CCBE1: variants seen among roughly 807,000 people sequenced by gnomAD.
The protein encoded by CCBE1 is collagen and calcium-binding EGF domain-containing protein 1.
Under a neutral mutation model 50.0 loss-of-function variants are expected in CCBE1, and 37 were observed. The ratio of observed to expected loss-of-function variants is 0.74; its 90% CI spans 0.57 to 0.97. The LOEUF (loss-of-function observed/expected upper bound fraction) is 0.97, where lower values mean the gene tolerates loss of function less well. CCBE1 is among the 50% of genes least tolerant of loss of function. The pLI, the probability that CCBE1 is intolerant of heterozygous loss-of-function variation, is 0.00. For missense variants in CCBE1, 538 were observed against 523.8 expected (o/e 1.03, Z -0.26); for synonymous variants, 234 against 203.7 (o/e 1.15, Z -1.27).
chr18:59,511,744 T>A (rs1914141524), intron 2 of CCBE1, among the ~76,000 whole-genome samples: 1 of 152,216 alleles, frequency 6.6e-6, no homozygotes, highest in African/African-American at 2.4e-5. Context: ...AACCAACCTC[T>A]CTTCATAAGA....
At chr18:59,646,976 G>T (rs1251300627) in intron 2 of CCBE1, among the ~76,000 whole-genome samples, 1 of 152,190 alleles carries the variant, frequency 6.6e-6, no homozygotes, top group Non-Finnish European at 1.5e-5. Flanking sequence ...GTAAAACCAT[G>T]CAACAGGCTC....
chr18:59,486,963 C>A (rs973433287), intron 2 of CCBE1, among the ~76,000 whole-genome samples: 5 of 151,524 alleles, frequency 3.3e-5, no homozygotes, highest in Non-Finnish European at 7.4e-5. Context: ...CCAAGAAACT[C>A]CAGACTCTGG....
chr18:59,503,770 G>T (rs1913737030), intron 2 of CCBE1, among the ~76,000 whole-genome samples: 1 of 152,088 alleles, frequency 6.6e-6, no homozygotes, highest in Non-Finnish European at 1.5e-5. Flanking sequence ...CTTTTGCAAA[G>T]TACAACAGGC....
chr18:59,578,497 C>T (rs1054827338), intron 2 of CCBE1, among the ~76,000 whole-genome samples: 3 of 152,174 alleles, frequency 2.0e-5, no homozygotes, highest in East Asian at 1.9e-4. Flanking sequence ...CACATACACA[C>T]GTACGTTTAC....
chr18:59,453,760 C>G (rs879561248), intron 6 of CCBE1, among the ~76,000 whole-genome samples: 3 of 152,112 alleles, frequency 2.0e-5, no homozygotes, highest in Non-Finnish European at 4.4e-5. Flanking sequence ...GTTAAACAAA[C>G]AAAACAAGAA....
rs1913302139 is a variant in CCBE1 at position 59,495,392 on chromosome 18, T to TC, written c.213-15155dup. On this transcript the variant is annotated intron_variant, in intron 2 of 10. Coordinates refer to ENST00000439986, the MANE Select transcript of CCBE1 (RefSeq NM_133459.4). ...GACCTTAACAGTCAAGTCCAGGGCC[T>TC]CTTTTTTTTTTTTTTTTTCCAGAGC... Among the ~76,000 whole-genome samples the TC allele has an allele frequency of 3.0e-5, 3 of 98,608 alleles. No individual in the cohort carries two copies. In the Admixed American group the frequency reaches 3.1e-4, roughly 10 times the overall value. 64.7% of individuals were successfully genotyped at this position (98,608 alleles called of 152,430 possible). A position where few individuals can be genotyped will look rare whatever the true frequency, so the allele number is the denominator to read the frequency against.
At chr18:59,561,257 T>C (rs1469489) in intron 2 of CCBE1, among the ~76,000 whole-genome samples, 18,982 of 152,304 alleles carry the variant, frequency 0.12, 1,530 homozygotes, top group East Asian at 0.4. Context: ...CAGGCCTGCA[T>C]GCCCAAAGCT....
chr18:59,473,502 T>G (rs1912135758), intron 3 of CCBE1, among the ~76,000 whole-genome samples: 1 of 152,156 alleles, frequency 6.6e-6, no homozygotes, highest in South Asian at 2.1e-4. Flanking sequence ...CTTTAAGAAC[T>G]TACTCCCTCT....
Position 59,620,884 on chromosome 18 carries a change from G to A in CCBE1, c.212+75745C>T, listed in dbSNP as rs192880430. 1.7e-3 allele frequency among the ~76,000 whole-genome samples: 255 copies of A among 152,276 alleles called. 3 individuals are homozygous for A. Among genetic ancestry groups the A allele is most frequent in the Non-Finnish European group, 3.4e-4 (23 of 68,026 alleles). On this transcript the variant is annotated intron_variant, in intron 2 of 10. Coordinates refer to ENST00000439986, the MANE Select transcript of CCBE1 (RefSeq NM_133459.4). Reference sequence around the variant, plus strand: ...AATGGACTAATACAGGTGCCAAATGGGAAGAGTTTCCAATAATAACATCCC... The same window carrying A: ...AATGGACTAATACAGGTGCCAAATGAGAAGAGTTTCCAATAATAACATCCC...
At chr18:59,459,110 C>T (rs972102485) in intron 5 of CCBE1, 4 of 152,120 alleles carry the variant, frequency 2.6e-5, no homozygotes, top group African/African-American at 9.7e-5. Context: ...AGAACAGTGC[C>T]CAGCTTATGT....
chr18:59,599,691 G>A (rs1356704776), intron 2 of CCBE1, among the ~76,000 whole-genome samples: 5 of 152,098 alleles, frequency 3.3e-5, no homozygotes, highest in Non-Finnish European at 5.9e-5. Flanking sequence ...TACTGTCTCT[G>A]TGTCTTAACT....
intron 2 of CCBE1, among the ~76,000 whole-genome samples, chr18:59,609,515 CTT>C (rs975260502): frequency 1.4e-4 from 21 of 152,314 alleles, no homozygotes; most frequent in African/African-American, 4.8e-4. Context: ...TTCTCCCTTA[CTT>C]CAGTCTCCAC....
At chr18:59,552,614 G>T (rs983958207) in intron 2 of CCBE1, among the ~76,000 whole-genome samples, 1 of 152,114 alleles carries the variant, frequency 6.6e-6, no homozygotes, top group African/African-American at 2.4e-5. Context: ...TTCCCACATC[G>T]TTTTTCTATC....
In CCBE1 at chr18:59,490,857, A is replaced by G. The variant is rs145251174; in HGVS notation, c.213-10619T>C. On this transcript the variant is annotated intron_variant, in intron 2 of 10. Coordinates refer to ENST00000439986, the MANE Select transcript of CCBE1 (RefSeq NM_133459.4). ...CTTTACATAAGATTTTAATGGAACA[A>G]TTTTCTCCTTTGTAAGACATGTTTA... 6.6e-5 allele frequency among the ~76,000 whole-genome samples: 10 copies of G among 152,286 alleles called. No individual in the cohort carries two copies. In the East Asian group the frequency reaches 1.5e-3, roughly 24 times the overall value.
intron 2 of CCBE1, among the ~76,000 whole-genome samples, chr18:59,597,884 G>C (rs182306956): frequency 6.6e-6 from 1 of 152,084 alleles, no homozygotes; most frequent in African/African-American, 2.4e-5. Context: ...AAATATTTGA[G>C]GATACTTCCT....
At chr18:59,593,105 G>C (rs1049615879) in intron 2 of CCBE1, among the ~76,000 whole-genome samples, 1 of 152,154 alleles carries the variant, frequency 6.6e-6, no homozygotes, top group Non-Finnish European at 1.5e-5. Context: ...GGACATCTAA[G>C]GTTGCTGAAA....
chr18:59,535,413 G>A (rs1036578182), intron 2 of CCBE1, among the ~76,000 whole-genome samples: 2 of 152,310 alleles, frequency 1.3e-5, no homozygotes, highest in African/African-American at 2.4e-5. Flanking sequence ...GTTAGTGAAC[G>A]TAGAGAGGAA....
chr18:59,466,973 C>G, intron 4 of CCBE1, 82 bp from the exon 5 acceptor site: 1 of 1,253,558 alleles, frequency 8.0e-7, no homozygotes, highest in Admixed American at 1.7e-5. Context: ...CTTTGCCTCT[C>G]TGTTAATAAC....
At chr18:59,568,492 C>A (rs1458636968) in intron 2 of CCBE1, 1 of 152,168 alleles carries the variant, frequency 6.6e-6, no homozygotes, top group African/African-American at 2.4e-5. Context: ...GGACTATTTA[C>A]TTTTCTACTT....
Sources: allele counts gnomAD v4.1 joint callset (sites outside exome capture counted in the v4.1 genomes callset), GRCh38; gene constraint gnomAD v4.1.1; transcripts MANE v1.5; gene names NCBI Gene and HGNC (gene_info 2026-07-23, HGNC 2026-07-21).